The following CAST variants were observed in gnomAD, a reference collection of about 807,000 sequenced individuals.
CAST encodes the protein MIR583 host.
In CAST, 76 loss-of-function variants were observed where a neutral mutation model predicts 119.6. The observed-to-expected ratio is 0.64, with a 90% CI of 0.53 to 0.77. The LOEUF is 0.77. Ranked by LOEUF, CAST falls within the 30% of genes least tolerant of loss-of-function variation. The pLI, the probability that CAST is intolerant of heterozygous loss-of-function variation, is 0.00. For synonymous variants in CAST, 319 were observed against 331.6 expected (o/e 0.96, Z 0.41); for missense variants, 953 against 946.5 (o/e 1.01, Z -0.09).
the CAST span, among the ~76,000 whole-genome samples, chr5:96,387,931 A>G: frequency 6.6e-6 from 1 of 152,210 alleles, no homozygotes; most frequent in African/African-American, 2.4e-5. Context: ...TGCAGGAAGA[A>G]ATTCGAGGAT....
chr5:96,569,215 A>G (rs1022725425), intron 1 of CAST, among the ~76,000 whole-genome samples: 1 of 152,348 alleles, frequency 6.6e-6, no homozygotes, highest in Admixed American at 6.5e-5. Flanking sequence ...TGGAAGAAAC[A>G]GATGCAATGA....
chr5:96,489,401 ATG>A, the CAST span, among the ~76,000 whole-genome samples: 2 of 131,932 alleles, frequency 1.5e-5, no homozygotes, highest in Non-Finnish European at 3.4e-5. Context: ...ACAGAGAGTG[ATG>A]TCCTCATTGA....
chr5:96,008,663 G>A, the CAST span, among the ~76,000 whole-genome samples: 142 of 152,212 alleles, frequency 9.3e-4, 1 homozygote, highest in Middle Eastern at 6.8e-3. Context: ...TAACCATGCC[G>A]ACTGGTTCTG....
chr5:96,769,792 T>G (rs1771575145), intron 29 of CAST: 1 of 151,162 alleles, frequency 6.6e-6, no homozygotes, highest in Admixed American at 6.6e-5. Flanking sequence ...TTTGAGCTTT[T>G]TCTTTTATAT....
chr5:96,754,689 T>C lies in CAST; in HGVS notation c.1658T>C (p.Leu553Pro), dbSNP rs765840450. 4 of 1,610,206 alleles carry C rather than the reference T, an allele frequency of 2.5e-6. No homozygotes were observed. Among genetic ancestry groups the C allele is most frequent in the Non-Finnish European group, 3.4e-6 (4 of 1,176,986 alleles). ...EKAKEEDREK[L>P]GEKEETIPPD... Reference sequence around the variant, plus strand: ...GCCAAAGAAGAAGACCGTGAAAAGCTTGGTGAAAAAGAAGAAACAATTCCT... The same window carrying C: ...GCCAAAGAAGAAGACCGTGAAAAGCCTGGTGAAAAAGAAGAAACAATTCCT... Residue 553 changes from leucine to proline, a missense_variant, in exon 22 of 32, where the codon CTT (leucine) becomes CCT (proline). By Grantham distance (98) the Leu-to-Pro change is moderately conservative (BLOSUM62 -3). Transcript: ENST00000675179.
intron 2 of CAST, 88 bp from the exon 3 acceptor site, chr5:96,695,747 GA>G: frequency 2.5e-6 from 2 of 794,104 alleles, no homozygotes; most frequent in South Asian, 3.5e-5. Flanking sequence ...TTTTGCTTGA[GA>G]AAATATTTGT....
chr5:96,338,125 A>G, the CAST span, among the ~76,000 whole-genome samples: 1 of 152,214 alleles, frequency 6.6e-6, no homozygotes, highest in Non-Finnish European at 1.5e-5. Flanking sequence ...TGACACAACA[A>G]TTGTTAGACC....
At chr5:96,607,823 T>C (rs1747288829) in intron 1 of CAST, among the ~76,000 whole-genome samples, 1 of 152,170 alleles carries the variant, frequency 6.6e-6, no homozygotes, top group Non-Finnish European at 1.5e-5. Flanking sequence ...TTTTAATAGG[T>C]TTTATTTGTT....
the CAST span, among the ~76,000 whole-genome samples, chr5:96,034,509 A>ATG: frequency 4.6e-5 from 6 of 131,752 alleles, no homozygotes; most frequent in East Asian, 2.2e-4. Flanking sequence ...ACACACACAT[A>ATG]TGTGTGTGTG....
the CAST span, among the ~76,000 whole-genome samples, chr5:96,025,215 G>C: frequency 6.6e-6 from 1 of 152,258 alleles, no homozygotes; most frequent in African/African-American, 2.4e-5. Flanking sequence ...AGTTCTGGAG[G>C]CCGGGAAAGT....
At chr5:96,153,450 T>G in the CAST span, among the ~76,000 whole-genome samples, 1 of 152,192 alleles carries the variant, frequency 6.6e-6, no homozygotes, top group African/African-American at 2.4e-5. Context: ...TGTCCTCTCT[T>G]CTGGTGCAGG....
At chr5:96,714,300 C>A (rs920884111) in intron 3 of CAST, among the ~76,000 whole-genome samples, 2 of 152,194 alleles carry the variant, frequency 1.3e-5, no homozygotes, top group East Asian at 1.9e-4. Flanking sequence ...ATGCTCTTAA[C>A]CTCTGTGTTT....
At chr5:96,006,396 A>G in the CAST span, among the ~76,000 whole-genome samples, 1 of 151,796 alleles carries the variant, frequency 6.6e-6, no homozygotes, top group African/African-American at 2.4e-5. Context: ...AAAAAATCAT[A>G]ATGTTTTAAG....
chr5:96,367,220 G>A, the CAST span, among the ~76,000 whole-genome samples: 7 of 152,172 alleles, frequency 4.6e-5, no homozygotes, highest in South Asian at 2.1e-4. Flanking sequence ...CATGTGAGGT[G>A]TCAGTCTGCC....
At chr5:96,537,298 A>C (rs917928845) in intron 1 of CAST, among the ~76,000 whole-genome samples, 12 of 152,246 alleles carry the variant, frequency 7.9e-5, no homozygotes, top group African/African-American at 2.9e-4. Context: ...ATATAAAACC[A>C]GTCTGCCTGT....
At chr5:96,307,521 T>C in the CAST span, among the ~76,000 whole-genome samples, 1 of 152,350 alleles carries the variant, frequency 6.6e-6, no homozygotes, top group South Asian at 2.1e-4. Flanking sequence ...TTTTGCCTGT[T>C]AGTTGATGCA....
the CAST span, among the ~76,000 whole-genome samples, chr5:96,065,487 C>T: frequency 6.6e-6 from 1 of 151,878 alleles, no homozygotes; most frequent in Admixed American, 6.6e-5. Context: ...AACTTATTCT[C>T]TATACTGTGT....
the CAST span, among the ~76,000 whole-genome samples, chr5:96,066,983 G>T: frequency 3.9e-5 from 6 of 152,014 alleles, no homozygotes; most frequent in Non-Finnish European, 7.4e-5. Flanking sequence ...TTTCTTAAGT[G>T]ATTCATATTT....
the CAST span, among the ~76,000 whole-genome samples, chr5:96,334,586 G>T: frequency 6.6e-6 from 1 of 152,098 alleles, no homozygotes; most frequent in Admixed American, 6.5e-5. Flanking sequence ...TCACCCCCAC[G>T]GTCCTGTCAC....
Sources: gnomAD v4.1 joint callset for allele counts (sites outside exome capture counted in the v4.1 genomes callset) on GRCh38, gnomAD v4.1.1 for gene constraint, MANE v1.5 for transcripts, NCBI Gene and HGNC (gene_info 2026-07-23, HGNC 2026-07-21) for gene names.